The following NDUFAF2 variants were observed in gnomAD, a reference collection of about 807,000 sequenced individuals.
The protein encoded by NDUFAF2 is NADH dehydrogenase [ubiquinone] 1 alpha subcomplex assembly factor 2.
NDUFAF2 carries 13 observed loss-of-function variants against 22.8 expected under a neutral mutation model. The observed-to-expected ratio is 0.57, with a 90% CI of 0.37 to 0.91. The LOEUF (loss-of-function observed/expected upper bound fraction) is 0.91, where lower values mean the gene tolerates loss of function less well. NDUFAF2 is among the 40% of genes least tolerant of loss of function. NDUFAF2 has a pLI of 0.01. For synonymous variants in NDUFAF2, 53 were observed against 64.2 expected (o/e 0.83, Z 0.84); for missense variants, 162 against 195.2 (o/e 0.83, Z 1.01).
rs543599008 is a variant in NDUFAF2 at position 61,141,610 on chromosome 5, G to C, written c.259-11094G>C. Among the ~76,000 whole-genome samples, 499 of 152,168 alleles carry C rather than the reference G, an allele frequency of 3.3e-3. 1 individual carries two copies. Among genetic ancestry groups the C allele is most frequent in the Non-Finnish European group, 5.7e-3 (390 of 67,998 alleles). ...AGATGCTTCATAAGAATAGGAACTA[G>C]GTTTTAATCTCTGTATCCCTAGGCC... is the stretch of plus-strand genomic sequence containing the variant. On this transcript the variant is annotated intron_variant, in intron 3 of 3. Coordinates refer to ENST00000296597, the MANE Select transcript of NDUFAF2 (RefSeq NM_174889.5).
At chr5:60,951,694 A>G (rs577970783) in intron 1 of NDUFAF2, among the ~76,000 whole-genome samples, 38 of 152,102 alleles carry the variant, frequency 2.5e-4, no homozygotes, top group African/African-American at 8.9e-4. Flanking sequence ...TTTTAGGTTA[A>G]TGCTGGCCTT....
At chr5:60,996,077 G>T (rs1751225127) in intron 1 of NDUFAF2, among the ~76,000 whole-genome samples, 1 of 152,054 alleles carries the variant, frequency 6.6e-6, no homozygotes, top group Non-Finnish European at 1.5e-5. Flanking sequence ...GTCTAAAAAT[G>T]CCATCCAAGA....
intron 1 of NDUFAF2, among the ~76,000 whole-genome samples, chr5:61,005,292 G>A (rs572046447): frequency 3.1e-4 from 47 of 152,106 alleles, no homozygotes; most frequent in African/African-American, 1.0e-3. Context: ...GCTGCATAGT[G>A]TTCCATGGTG....
intron 2 of NDUFAF2, among the ~76,000 whole-genome samples, chr5:61,084,816 A>T (rs771479549): frequency 6.6e-6 from 1 of 152,184 alleles, no homozygotes; most frequent in African/African-American, 2.4e-5. Context: ...ATTTAAACCT[A>T]TGTAAATAGG....
At chr5:60,961,095 A>G (rs1750677681) in intron 1 of NDUFAF2, among the ~76,000 whole-genome samples, 1 of 152,062 alleles carries the variant, frequency 6.6e-6, no homozygotes, top group Non-Finnish European at 1.5e-5. Context: ...GTGGTGGTGA[A>G]TGAGAGAGAG....
chr5:61,096,919 A>G (rs1466461198), intron 2 of NDUFAF2, among the ~76,000 whole-genome samples: 2 of 152,144 alleles, frequency 1.3e-5, no homozygotes, highest in African/African-American at 4.8e-5. Flanking sequence ...ACCTGAGATC[A>G]CACCATTGCA....
intron 3 of NDUFAF2, among the ~76,000 whole-genome samples, chr5:61,099,462 T>C (rs6862622): frequency 6.6e-6 from 1 of 150,668 alleles, no homozygotes; most frequent in African/African-American, 2.4e-5. Flanking sequence ...TAATATTATG[T>C]ATTTAAATCC....
chr5:60,960,718 A>G (rs1203952293), intron 1 of NDUFAF2, among the ~76,000 whole-genome samples: 1 of 152,204 alleles, frequency 6.6e-6, no homozygotes, highest in Non-Finnish European at 1.5e-5. Context: ...TGAATTGGAA[A>G]TGTACCTGAT....
chr5:60,997,399 A>G (rs76930506), intron 1 of NDUFAF2, among the ~76,000 whole-genome samples: 2,407 of 152,332 alleles, frequency 0.016, 77 homozygotes, highest in African/African-American at 0.055. Context: ...AAAAATAATA[A>G]GTTAGCTAGA....
intron 1 of NDUFAF2, among the ~76,000 whole-genome samples, chr5:61,008,149 T>C (rs1482026131): frequency 9.3e-6 from 1 of 106,956 alleles, no homozygotes; most frequent in Non-Finnish European, 1.8e-5. Flanking sequence ...CTGGGGACTG[T>C]TGTGGGGTGG....
At chr5:61,137,568 A>G (rs1343711492) in intron 3 of NDUFAF2, among the ~76,000 whole-genome samples, 1 of 152,230 alleles carries the variant, frequency 6.6e-6, no homozygotes, top group African/African-American at 2.4e-5. Flanking sequence ...AGATTTAGCT[A>G]GCCATGTGAA....
chr5:61,085,942 T>G (rs1285296714), intron 2 of NDUFAF2, among the ~76,000 whole-genome samples: 1 of 151,984 alleles, frequency 6.6e-6, no homozygotes. Context: ...TAGTGACACC[T>G]TGTCTCTACA....
intron 3 of NDUFAF2, among the ~76,000 whole-genome samples, chr5:61,104,136 A>G (rs1752733832): frequency 6.6e-6 from 1 of 152,082 alleles, no homozygotes; most frequent in South Asian, 2.1e-4. Context: ...ACATAACCCC[A>G]TCATAAGTTG....
intron 1 of NDUFAF2, among the ~76,000 whole-genome samples, chr5:61,013,152 G>A (rs1751461441): frequency 1.3e-5 from 2 of 152,040 alleles, no homozygotes; most frequent in South Asian, 2.1e-4. Context: ...CATTCAAAGA[G>A]AGAAGTTGAG....
intron 1 of NDUFAF2, among the ~76,000 whole-genome samples, chr5:60,955,579 G>C (rs1450219320): frequency 1.3e-5 from 2 of 151,984 alleles, no homozygotes; most frequent in Non-Finnish European, 2.9e-5. Flanking sequence ...TGAATTTTAG[G>C]ATTGTTGTTT....
chr5:61,132,340 T>G (rs1244620732), intron 3 of NDUFAF2, among the ~76,000 whole-genome samples: 1 of 152,200 alleles, frequency 6.6e-6, no homozygotes, highest in Non-Finnish European at 1.5e-5. Context: ...GGTGGGTTCC[T>G]TCTTTACCCT....
At chr5:60,985,494 C>T (rs1352829639) in intron 1 of NDUFAF2, among the ~76,000 whole-genome samples, 1 of 152,028 alleles carries the variant, frequency 6.6e-6, no homozygotes, top group Admixed American at 6.6e-5. Context: ...GTTAGGGTGT[C>T]AATTTTAGAT....
At chr5:61,029,879 G>A (rs568745949) in intron 1 of NDUFAF2, among the ~76,000 whole-genome samples, 7 of 152,238 alleles carry the variant, frequency 4.6e-5, no homozygotes, top group African/African-American at 1.4e-4. Flanking sequence ...ACAGTCACCC[G>A]TTCCAGAGGT....
At chr5:60,947,441 G>T (rs2112560452) in intron 1 of NDUFAF2, among the ~76,000 whole-genome samples, 1 of 152,168 alleles carries the variant, frequency 6.6e-6, no homozygotes, top group South Asian at 2.1e-4. Flanking sequence ...GATCTTCGGT[G>T]AAGTATTGTT....
Sources: gnomAD v4.1 joint callset for allele counts (sites outside exome capture counted in the v4.1 genomes callset) on GRCh38, gnomAD v4.1.1 for gene constraint, MANE v1.5 for transcripts, NCBI Gene and HGNC (gene_info 2026-07-23, HGNC 2026-07-21) for gene names.